The following CELA2B variants were observed in gnomAD, a reference collection of about 807,000 sequenced individuals.
The protein encoded by CELA2B is chymotrypsin like elastase 2B.
A neutral mutation model predicts 36.5 loss-of-function variants in CELA2B; 27 were observed. The ratio of observed to expected loss-of-function variants is 0.74; its 90% CI spans 0.55 to 1.02. CELA2B has a LOEUF of 1.02. Ranked by LOEUF, CELA2B falls within the 50% of genes least tolerant of loss-of-function variation. CELA2B has a pLI of 0.00. For synonymous variants in CELA2B, 143 were observed against 148.5 expected (o/e 0.96, Z 0.27); for missense variants, 340 against 347.8 (o/e 0.98, Z 0.18).
At chr1:15,486,985 C>T (rs1335272734) in intron 6 of CELA2B, among the ~76,000 whole-genome samples, 1 of 152,192 alleles carries the variant, frequency 6.6e-6, no homozygotes, top group African/African-American at 2.4e-5. Context: ...TGGGCAAGTC[C>T]CAACCTCTCA....
Position 15,479,146 on chromosome 1 carries a change from C to T in CELA2B, c.130-1952C>T, listed in dbSNP as rs1327475290. On this transcript the variant is annotated intron_variant, in intron 2 of 7. Coordinates refer to ENST00000375910, the MANE Select transcript of CELA2B (RefSeq NM_015849.3). ...TTGGGGTGGGGGAGTAGATACTTTT[C>T]AGTGTCTTTTTTCACTTGGTCCAAT... Among the ~76,000 whole-genome samples the T allele has an allele frequency of 3.9e-5, 6 of 152,300 alleles. 1 individual carries two copies. Among genetic ancestry groups the T allele is most frequent in the Non-Finnish European group, 8.8e-5 (6 of 68,024 alleles).
intron 7 of CELA2B, chr1:15,491,000 C>G: frequency 2.4e-6 from 1 of 418,452 alleles, no homozygotes; most frequent in Non-Finnish European, 4.4e-6. Context: ...AATATGCCAT[C>G]CGCACATTTG....
chr1:15,481,534 C>T (rs573130313), intron 3 of CELA2B: 44 of 522,104 alleles, frequency 8.4e-5, no homozygotes, highest in South Asian at 7.1e-4. Flanking sequence ...AGCTTCAATA[C>T]CATCACCTGC....
In CELA2B at chr1:15,488,078, C is replaced by T. The variant is rs141886742; in HGVS notation, c.792+641C>T. Among the ~76,000 whole-genome samples, 565 of 152,300 alleles carry T rather than the reference C, an allele frequency of 3.7e-3. 5 individuals carry two copies. The highest frequency in any genetic ancestry group is 0.023 in the East Asian group (118 of 5,186). ...AACACACATTTTTTATAACAATAAG[C>T]ATTAAAAATATTTATTAAAAATAAT... On this transcript the variant is annotated intron_variant, in intron 7 of 7. Transcript: ENST00000375910.
Position 15,486,029 on chromosome 1 carries a change from G to T in CELA2B, c.622G>T (p.Val208Leu), listed in dbSNP as rs534649662. Residue 208 changes from valine (V) to leucine (L), a missense_variant, in exon 6 of 8, where the codon GTG (valine) becomes TTG (leucine). Val to Leu is a conservative substitution (Grantham distance 32). Coordinates refer to ENST00000375910, the MANE Select transcript of CELA2B (RefSeq NM_015849.3). ...TNMICAGGDG[V>L]ICTCNGDSGG... ...TATGATCTGTGCTGGGGGTGATGGC[G>T]TGATATGCACCTGCAACGTGAGTAC... 1 of 1,613,688 alleles carries T rather than the reference G, an allele frequency of 6.2e-7. No individual in the cohort carries two copies. The highest frequency in any genetic ancestry group is 1.3e-5 in the African/African-American group (1 of 74,932).
At chr1:15,489,089 G>T (rs1366404860) in intron 7 of CELA2B, among the ~76,000 whole-genome samples, 1 of 152,222 alleles carries the variant, frequency 6.6e-6, no homozygotes, top group Non-Finnish European at 1.5e-5. Flanking sequence ...TGGACGAAAG[G>T]CTGCTTAGGG....
chr1:15,487,354 C>T lies in CELA2B; in HGVS notation c.709C>T (p.Leu237Phe), dbSNP rs563430661. Reference protein sequence around the residue: ...GRWEVHGIGSLTSVLGCNYYY... With the variant: ...GRWEVHGIGSFTSVLGCNYYY... ...GTGGGAGGTGCATGGCATCGGCAGCCTCACGTCGGTCCTTGGTTGCAACTA... is the reference window on the plus strand; with the variant it reads ...GTGGGAGGTGCATGGCATCGGCAGCTTCACGTCGGTCCTTGGTTGCAACTA... Residue 237 changes from leucine (L) to phenylalanine (F), a missense_variant, in exon 7 of 8, where the codon CTC becomes TTC. Leu to Phe is a conservative substitution (Grantham distance 22, BLOSUM62 0). Coordinates refer to ENST00000375910, the MANE Select transcript of CELA2B (RefSeq NM_015849.3). 123 of 1,614,248 alleles carry T rather than the reference C, an allele frequency of 7.6e-5. 2 individuals carry two copies. The highest frequency in any genetic ancestry group is 6.3e-4 in the South Asian group (57 of 91,084).
At chr1:15,486,091 C>G (rs1333701627) in intron 6 of CELA2B, 45 bp downstream of exon 6, 1 of 1,599,084 alleles carries the variant, frequency 6.3e-7, no homozygotes, top group East Asian at 2.2e-5. Context: ...CAAAATGTGG[C>G]TGGGGATGGG....
intron 3 of CELA2B, 73 bp from the exon 4 acceptor site, chr1:15,482,192 T>TG: frequency 1.3e-6 from 2 of 1,549,740 alleles, no homozygotes; most frequent in East Asian, 4.5e-5. Flanking sequence ...GCCAGTTACT[T>TG]GGGTCTATCC....
In CELA2B at chr1:15,478,993, C is replaced by T. The variant is rs186718653; in HGVS notation, c.130-2105C>T. ...ATTACCCAAAGGCACTGGGTTAGCC[C>T]GGGGGGGAATGAGGATTCAAATCTG... On this transcript the variant is annotated intron_variant, in intron 2 of 7. Coordinates refer to ENST00000375910, the MANE Select transcript of CELA2B (RefSeq NM_015849.3). 1.4e-3 allele frequency among the ~76,000 whole-genome samples: 219 copies of T among 152,076 alleles called. 1 individual carries two copies. The highest frequency in any genetic ancestry group is 4.9e-3 in the African/African-American group (205 of 41,488).
At chr1:15,483,205 G>T in intron 4 of CELA2B, 59 bp from the exon 5 acceptor site, 2 of 1,607,528 alleles carry the variant, frequency 1.2e-6, no homozygotes, top group Non-Finnish European at 1.7e-6. Context: ...GCCCTCCAAA[G>T]CCCCATAGGG....
chr1:15,482,838 T>G (rs1159234806), intron 4 of CELA2B, among the ~76,000 whole-genome samples: 1 of 152,170 alleles, frequency 6.6e-6, no homozygotes, highest in African/African-American at 2.4e-5. Flanking sequence ...CAGGCTGTAG[T>G]GCAGTAGCAC....
At chr1:15,476,880 G>C (rs1708679846) in intron 2 of CELA2B, among the ~76,000 whole-genome samples, 1 of 151,414 alleles carries the variant, frequency 6.6e-6, no homozygotes, top group South Asian at 2.1e-4. Context: ...ATCTCGGGAG[G>C]CTGAGGCAGG....
At chr1:15,477,695 A>G (rs1271867383) in intron 2 of CELA2B, among the ~76,000 whole-genome samples, 1 of 152,174 alleles carries the variant, frequency 6.6e-6, no homozygotes, top group Non-Finnish European at 1.5e-5. Flanking sequence ...TGTTTCCTCA[A>G]AGACACTAAT....
At chr1:15,489,722 C>A (rs1708850737) in intron 7 of CELA2B, among the ~76,000 whole-genome samples, 1 of 152,220 alleles carries the variant, frequency 6.6e-6, no homozygotes, top group Non-Finnish European at 1.5e-5. Context: ...CACACATGAA[C>A]TCCAGCAATC....
intron 7 of CELA2B, 115 bp downstream of exon 7, chr1:15,487,552 GA>G: frequency 7.2e-7 from 1 of 1,398,600 alleles, no homozygotes; most frequent in South Asian, 1.3e-5. Flanking sequence ...AGCTAGATGG[GA>G]ACCCCTTGGA....
chr1:15,483,436 G>A (rs1252544082), intron 5 of CELA2B, 36 bp downstream of exon 5: 3 of 1,613,094 alleles, frequency 1.9e-6, no homozygotes, highest in Non-Finnish European at 2.5e-6. Flanking sequence ...GCCTGGGAGG[G>A]AAGGGAGGTG....
intron 6 of CELA2B, among the ~76,000 whole-genome samples, chr1:15,486,456 G>A (rs758219457): frequency 1.3e-5 from 2 of 152,122 alleles, no homozygotes; most frequent in African/African-American, 4.8e-5. Context: ...TCCAGCCTGG[G>A]TGACAGAGTG....
In CELA2B at chr1:15,486,163, C is replaced by T. The variant is rs1243602535; in HGVS notation, c.639+117C>T. 7 of 1,312,498 alleles carry T rather than the reference C, an allele frequency of 5.3e-6. No individual in the cohort carries two copies. In the East Asian group the frequency reaches 7.0e-5, roughly 13 times the overall value. The allele number at this position is 1,312,498 out of a possible 1,614,324, so 81.3% of individuals were successfully genotyped here. ...CCTCCGACCTCCTGGCAGAAGCACC[C>T]GGAAATGGTACCAGATATATCAGAA... On this transcript the variant is annotated intron_variant, in intron 6 of 7. Coordinates refer to ENST00000375910, the MANE Select transcript of CELA2B (RefSeq NM_015849.3).
Sources: gnomAD v4.1 joint callset for allele counts (sites outside exome capture counted in the v4.1 genomes callset) on GRCh38, gnomAD v4.1.1 for gene constraint, MANE v1.5 for transcripts, NCBI Gene and HGNC (gene_info 2026-07-23, HGNC 2026-07-21) for gene names.